KLHL2: variants seen among roughly 807,000 people sequenced by gnomAD.
KLHL2 encodes the protein kelch-like protein 2.
A neutral mutation model predicts 75.8 loss-of-function variants in KLHL2; 15 were observed. The ratio of observed to expected loss-of-function variants is 0.20; its 90% confidence interval spans 0.13 to 0.30. The LOEUF (loss-of-function observed/expected upper bound fraction) is 0.30, where lower values mean the gene tolerates loss of function less well. Among genes scored for constraint, KLHL2 ranks in the 10% least tolerant of loss-of-function variants. KLHL2 has a pLI of 1.00. For synonymous variants in KLHL2, 214 were observed against 251.9 expected, an observed-to-expected ratio of 0.85 and a Z score of 1.42; for missense variants, 381 against 741.0, an observed-to-expected ratio of 0.51 and a Z score of 5.64.
chr4:165,254,841 AGG>A (rs1235403937), intron 4 of KLHL2, among the ~76,000 whole-genome samples: 1 of 152,248 alleles, frequency 6.6e-6, no homozygotes, highest in Non-Finnish European at 1.5e-5. Flanking sequence ...TGATCAAAAA[AGG>A]AAGCTACCTA....
intron 13 of KLHL2, among the ~76,000 whole-genome samples, chr4:165,316,590 T>C (rs528338339): frequency 2.6e-4 from 40 of 152,258 alleles, no homozygotes; most frequent in African/African-American, 8.2e-4. Context: ...AAAAATTACA[T>C]TGAAATAGCT....
chr4:165,257,285 T>C (rs1403807162), intron 4 of KLHL2, among the ~76,000 whole-genome samples: 3 of 152,222 alleles, frequency 2.0e-5, no homozygotes, highest in African/African-American at 7.2e-5. Flanking sequence ...GATCTGGCCA[T>C]AGCTACATGT....
At chr4:165,274,942 C>G (rs1006900657) in intron 5 of KLHL2, among the ~76,000 whole-genome samples, 2 of 152,074 alleles carry the variant, frequency 1.3e-5, no homozygotes, top group Admixed American at 6.5e-5. Context: ...GCTTCAGCAG[C>G]GTGGCACTGG....
chr4:165,313,388 C>A, intron 12 of KLHL2, 22 bp downstream of exon 12: 1 of 1,437,326 alleles, frequency 7.0e-7, no homozygotes, highest in Non-Finnish European at 9.2e-7. Flanking sequence ...CCTGTTTTAG[C>A]AACTGAAGCA....
chr4:165,277,954 G>T lies in KLHL2; in HGVS notation c.544+14595G>T, dbSNP rs576454159. On this transcript the variant is annotated intron_variant, in intron 5 of 14. Coordinates refer to ENST00000226725, the MANE Select transcript of KLHL2 (RefSeq NM_007246.4). ...TGTTCTTTCATTATGTAAAAAGCTC[G>T]CATCTTGGGAATCCATGAGTTGGTA... The T allele has an allele frequency of 7.0e-5, 70 of 1,004,746 alleles. No individual in the cohort carries two copies. The African/African-American group carries it at 1.0e-3, about 14-fold the overall frequency. 62.2% of individuals were successfully genotyped at this position (1,004,746 alleles called of 1,614,324 possible).
chr4:165,222,078 G>A (rs60466147), intron 2 of KLHL2, among the ~76,000 whole-genome samples: 161 of 152,126 alleles, frequency 1.1e-3, no homozygotes, highest in African/African-American at 3.5e-3. Flanking sequence ...TTCTGCTGGT[G>A]TTAATGTGAG....
intron 11 of KLHL2, 116 bp downstream of exon 11, chr4:165,311,681 A>G: frequency 1.4e-6 from 1 of 722,610 alleles, no homozygotes; most frequent in South Asian, 1.8e-5. Flanking sequence ...TTTTAAAAAG[A>G]AAAGTCGTAA....
Position 165,223,900 on chromosome 4 carries a change from G to A in KLHL2, c.152+3841G>A, listed in dbSNP as rs1299315826. 6.3e-5 allele frequency: 28 copies of A among 444,448 alleles called. No homozygotes were observed. The East Asian group carries it at 1.9e-3, about 31-fold the overall frequency. 27.5% of individuals were successfully genotyped at this position (444,448 alleles called of 1,614,324 possible). A position where few individuals can be genotyped will look rare whatever the true frequency, so the allele number is the denominator to read the frequency against. ...TATAGAGGGGACAGAGAAGCAGACTGTACCCCAGGTAAGTTTTTTCTTTTT... is the reference window on the plus strand; with the variant it reads ...TATAGAGGGGACAGAGAAGCAGACTATACCCCAGGTAAGTTTTTTCTTTTT... On this transcript the variant is annotated intron_variant, in intron 2 of 14. Coordinates refer to ENST00000226725, the MANE Select transcript of KLHL2 (RefSeq NM_007246.4).
At chr4:165,265,038 A>G (rs1343672222) in intron 5 of KLHL2, among the ~76,000 whole-genome samples, 3 of 151,566 alleles carry the variant, frequency 2.0e-5, no homozygotes, top group Admixed American at 1.3e-4. Flanking sequence ...ACCAACATCT[A>G]TTGTTTTTTC....
chr4:165,251,130 T>TAA lies in KLHL2; in HGVS notation c.382-12056_382-12055dup, dbSNP rs199881659. Among the ~76,000 whole-genome samples, 25 of 146,666 alleles carry TAA rather than the reference T, an allele frequency of 1.7e-4. No homozygotes were observed. In the East Asian group the frequency reaches 4.3e-3, roughly 25 times the overall value. On this transcript the variant is annotated intron_variant, in intron 4 of 14. Coordinates refer to ENST00000226725, the MANE Select transcript of KLHL2 (RefSeq NM_007246.4). Reference sequence around the variant, plus strand: ...TGCTTGGAAAACACAGGTTAAAACTTAAAAAAAAAAAATACATAAATTCCT... The same window carrying TAA: ...TGCTTGGAAAACACAGGTTAAAACTTAAAAAAAAAAAAAATACATAAATTCCT...
chr4:165,265,389 C>T (rs1321621584), intron 5 of KLHL2, among the ~76,000 whole-genome samples: 1 of 151,882 alleles, frequency 6.6e-6, no homozygotes, highest in Non-Finnish European at 1.5e-5. Flanking sequence ...TAATTAGGTC[C>T]CATTTATTTA....
At chr4:165,215,173 A>T (rs1737457189) in intron 1 of KLHL2, among the ~76,000 whole-genome samples, 1 of 152,178 alleles carries the variant, frequency 6.6e-6, no homozygotes, top group African/African-American at 2.4e-5. Flanking sequence ...CTAACTGCAA[A>T]AATTGAAATC....
At chr4:165,242,834 A>G (rs1579025175) in intron 4 of KLHL2, among the ~76,000 whole-genome samples, 1 of 152,208 alleles carries the variant, frequency 6.6e-6, no homozygotes, top group Admixed American at 6.5e-5. Flanking sequence ...ATATAAATAT[A>G]TAAGTGTGTG....
intron 5 of KLHL2, among the ~76,000 whole-genome samples, chr4:165,267,439 G>T (rs1275463752): frequency 6.6e-6 from 1 of 152,052 alleles, no homozygotes; most frequent in East Asian, 1.9e-4. Flanking sequence ...TATGATATTG[G>T]CTGTGGGTTT....
chr4:165,297,492 GAATT>G (rs1745005528), intron 6 of KLHL2, 113 bp from the exon 7 acceptor site: 1 of 657,724 alleles, frequency 1.5e-6, no homozygotes, highest in Admixed American at 2.3e-5. Context: ...CTTGAGCTGT[GAATT>G]AAACTTGGAT....
intron 4 of KLHL2, among the ~76,000 whole-genome samples, chr4:165,239,661 G>A (rs1222173316): frequency 6.6e-6 from 1 of 152,152 alleles, no homozygotes; most frequent in Non-Finnish European, 1.5e-5. Context: ...AAGAACAAAT[G>A]TTTTATGTGT....
rs772767298 is a variant in KLHL2, at chr4:165,263,326, A to G, written c.511A>G (p.Thr171Ala). 1.2e-6 allele frequency: 2 copies of G among 1,614,038 alleles called. No individual in the cohort carries two copies. The highest frequency in any genetic ancestry group is 1.7e-6 in the Non-Finnish European group (2 of 1,179,968). Reference protein sequence around the residue: ...IRAFADMHACTDLLNKANTYA... With the variant: ...IRAFADMHACADLLNKANTYA... ...GGCTTTTGCTGATATGCATGCATGT[A>G]CCGACCTTCTGAACAAGGCCAACAC... Residue 171 changes from threonine to alanine, a missense_variant, in exon 5 of 15, where the codon ACC (threonine) becomes GCC (alanine). Around this residue, in one of 5 missense-constraint regions of KLHL2, gnomAD observed 51 missense variants for 101.3 expected, o/e 0.50. Coordinates refer to ENST00000226725, the MANE Select transcript of KLHL2 (RefSeq NM_007246.4).
At chr4:165,293,059 A>G (rs1039510514) in intron 5 of KLHL2, among the ~76,000 whole-genome samples, 4 of 152,202 alleles carry the variant, frequency 2.6e-5, no homozygotes, top group Admixed American at 6.5e-5. Flanking sequence ...TAACTGCCCA[A>G]GGTTGTACAA....
At chr4:165,212,908 C>T (rs530848118) in intron 1 of KLHL2, among the ~76,000 whole-genome samples, 4 of 152,290 alleles carry the variant, frequency 2.6e-5, no homozygotes, top group East Asian at 1.9e-4. Context: ...TATCTTAAGT[C>T]GGGGCTCTAG....
Sources: allele counts gnomAD v4.1 joint callset (sites outside exome capture counted in the v4.1 genomes callset), GRCh38; gene constraint gnomAD v4.1.1; regional missense constraint gnomAD v4.1.1; transcripts MANE v1.5; gene names NCBI Gene and HGNC (gene_info 2026-07-23, HGNC 2026-07-21).